The following STK10 variants were observed in gnomAD, a reference collection of about 807,000 sequenced individuals.
STK10 encodes serine/threonine-protein kinase 10.
A neutral mutation model predicts 113.8 loss-of-function variants in STK10; 78 were observed. The ratio of observed to expected loss-of-function variants is 0.69; its 90% confidence interval spans 0.57 to 0.83. The LOEUF is 0.83. STK10 is among the 40% of genes least tolerant of loss of function. The pLI is 0.00. For synonymous variants in STK10, 465 were observed against 494.7 expected, an observed-to-expected ratio of 0.94 and a Z score of 0.80; for missense variants, 1,109 against 1,280.1, an observed-to-expected ratio of 0.87 and a Z score of 2.04.
At chr5:172,071,630 G>A (rs750169434) in intron 12 of STK10, among the ~76,000 whole-genome samples, 6 of 152,026 alleles carry the variant, frequency 3.9e-5, no homozygotes, top group Non-Finnish European at 7.4e-5. Flanking sequence ...CTACAGCTGT[G>A]CACCCAGAGG....
At chr5:172,107,678 T>C (rs1769146463) in intron 5 of STK10, 102 bp downstream of exon 5, 24 of 1,075,810 alleles carry the variant, frequency 2.2e-5, no homozygotes, top group Middle Eastern at 2.2e-4. Context: ...GCAGGGCGTG[T>C]AGCCCTTGTC....
chr5:172,110,127 A>G (rs776092132), intron 4 of STK10, among the ~76,000 whole-genome samples: 2 of 152,238 alleles, frequency 1.3e-5, no homozygotes, highest in South Asian at 2.1e-4. Context: ...AGAGAATACA[A>G]TGAGGACCCT....
At chr5:172,090,662 C>A (rs1226532733) in intron 9 of STK10, among the ~76,000 whole-genome samples, 2 of 151,918 alleles carry the variant, frequency 1.3e-5, no homozygotes, top group Non-Finnish European at 2.9e-5. Context: ...TCTTGCCAGG[C>A]ACGGTGGCTT....
chr5:172,096,158 T>C (rs1176865374), intron 8 of STK10, among the ~76,000 whole-genome samples: 1 of 152,190 alleles, frequency 6.6e-6, no homozygotes, highest in Non-Finnish European at 1.5e-5. Flanking sequence ...TACCAACTTT[T>C]AAAAATTGGA....
intron 18 of STK10, among the ~76,000 whole-genome samples, chr5:172,050,716 T>C (rs1581129730): frequency 1.3e-5 from 2 of 152,068 alleles, no homozygotes; most frequent in Admixed American, 1.3e-4. Context: ...TTCTCAATTT[T>C]TTTTTTTTTT....
rs113291460 is a variant in STK10 at position 172,093,390 on chromosome 5, G to A, written c.1554+22C>T. The A allele has an allele frequency of 0.035, 54,630 of 1,567,038 alleles. 1,053 individuals are homozygous for A. The highest frequency in any genetic ancestry group is 0.04 in the Non-Finnish European group (45,761 of 1,151,238). On this transcript the variant is annotated intron_variant, in intron 9 of 18. Coordinates refer to ENST00000176763, the MANE Select transcript of STK10 (RefSeq NM_005990.4). This position sits in a 1 kb window ranked among gnomAD's most constrained non-coding sequence, Gnocchi z 4.1. The stretch of plus-strand genomic sequence containing the variant: ...CCTGCAATGGTCTTGCTGCAAGCCC[G>A]TGGTGGCAGAGGCGGTGTTACCTTG...
chr5:172,072,840 G>C (rs1768226464), intron 12 of STK10, among the ~76,000 whole-genome samples: 1 of 152,188 alleles, frequency 6.6e-6, no homozygotes. Context: ...TCTATTTGTA[G>C]ATATGATGTC....
At chr5:172,155,559 T>C (rs1404157826) in intron 2 of STK10, among the ~76,000 whole-genome samples, 1 of 147,250 alleles carries the variant, frequency 6.8e-6, no homozygotes, top group Non-Finnish European at 1.5e-5. Flanking sequence ...AATCCAAAGA[T>C]GTCCATCACA....
intron 15 of STK10, 134 bp downstream of exon 15, chr5:172,057,215 C>A: frequency 7.4e-7 from 1 of 1,346,700 alleles, no homozygotes; most frequent in African/African-American, 1.4e-5. Context: ...CTCACTGCAG[C>A]CAGCCCTGGC....
intron 2 of STK10, among the ~76,000 whole-genome samples, chr5:172,147,317 C>T (rs1231374770): frequency 3.3e-5 from 5 of 151,890 alleles, no homozygotes; most frequent in Non-Finnish European, 5.9e-5. Flanking sequence ...GACTGACAAC[C>T]GTGTACAGAG....
At chr5:172,076,863 C>G (rs1251788693) in intron 12 of STK10, among the ~76,000 whole-genome samples, 1 of 152,140 alleles carries the variant, frequency 6.6e-6, no homozygotes, top group Non-Finnish European at 1.5e-5. Context: ...TGTGCTGTTG[C>G]AAGCATGATT....
At chr5:172,054,430 C>T (rs1767700043) in intron 17 of STK10, 139 bp downstream of exon 17, 2 of 1,286,664 alleles carry the variant, frequency 1.6e-6, no homozygotes, top group Non-Finnish European at 2.1e-6. Context: ...AGCAGCATGG[C>T]AGGGCTGGAA....
chr5:172,088,194 G>A (rs1242214217), intron 10 of STK10, among the ~76,000 whole-genome samples: 1 of 152,148 alleles, frequency 6.6e-6, no homozygotes, highest in Non-Finnish European at 1.5e-5. Context: ...ACAGGTGTGT[G>A]CTGCTGTGCC....
At chr5:172,160,020 C>T (rs1375597928) in intron 1 of STK10, among the ~76,000 whole-genome samples, 1 of 151,746 alleles carries the variant, frequency 6.6e-6, no homozygotes, top group African/African-American at 2.4e-5. Context: ...CCTGTAATCC[C>T]AGCTACTTAG....
In STK10 at chr5:172,090,431, G is replaced by A; in HGVS notation, c.1555-69C>T. On this transcript the variant is annotated intron_variant, in intron 9 of 18. Coordinates refer to ENST00000176763, the MANE Select transcript of STK10 (RefSeq NM_005990.4). ...AGGACCCATGGCTGTCGCAGCAGGT[G>A]AGGCCACAGCTCTGCTGGGCCCACA... The A allele has an allele frequency of 4.4e-6, 7 of 1,574,582 alleles. No homozygotes were observed. In the South Asian group the frequency reaches 7.1e-5, roughly 16 times the overall value.
At chr5:172,147,503 T>C (rs1007336699) in intron 2 of STK10, among the ~76,000 whole-genome samples, 8 of 152,128 alleles carry the variant, frequency 5.3e-5, no homozygotes, top group Middle Eastern at 3.2e-3. Flanking sequence ...GCCATTCTCC[T>C]GCCTCAGCCT....
intron 18 of STK10, among the ~76,000 whole-genome samples, chr5:172,047,026 G>A (rs1008558275): frequency 3.3e-5 from 5 of 152,126 alleles, no homozygotes; most frequent in African/African-American, 1.2e-4. Context: ...GTACTTACTC[G>A]AAATACATCT....
At chr5:172,160,765 G>A (rs1170455252) in intron 1 of STK10, among the ~76,000 whole-genome samples, 1 of 152,212 alleles carries the variant, frequency 6.6e-6, no homozygotes, top group Non-Finnish European at 1.5e-5. Flanking sequence ...GGGACCCGAG[G>A]CTTGGAGTTT....
At chr5:172,183,920 G>C (rs1032908809) in intron 1 of STK10, among the ~76,000 whole-genome samples, 2 of 152,060 alleles carry the variant, frequency 1.3e-5, no homozygotes, top group African/African-American at 4.8e-5. Flanking sequence ...GCTTATCAGG[G>C]AGAGGAGGAA....
Sources: gnomAD v4.1 joint callset for allele counts (sites outside exome capture counted in the v4.1 genomes callset) on GRCh38, gnomAD v4.1.1 for gene constraint, Gnocchi (gnomAD v3.1) non-coding constraint, MANE v1.5 for transcripts, NCBI Gene and HGNC (gene_info 2026-07-23, HGNC 2026-07-21) for gene names.